Variants in SLC39A11 observed in about 807,000 individuals in gnomAD.
SLC39A11 encodes the protein solute carrier family 39 member 11.
SLC39A11 carries 33 observed loss-of-function variants against 36.1 expected under a neutral mutation model. The ratio of observed to expected loss-of-function variants is 0.91; its 90% CI spans 0.69 to 1.22. The LOEUF (loss-of-function observed/expected upper bound fraction) is 1.22, where lower values mean the gene tolerates loss of function less well. Ranked by LOEUF, SLC39A11 falls within the 50% of genes most tolerant of loss-of-function variation. The pLI is 0.00. For missense variants in SLC39A11, 432 were observed against 430.3 expected (o/e 1.00, Z -0.03); for synonymous variants, 166 against 170.3 (o/e 0.97, Z 0.20).
At chr17:72,971,244 G>A (rs577215275) in intron 4 of SLC39A11, among the ~76,000 whole-genome samples, 16 of 151,986 alleles carry the variant, frequency 1.1e-4, no homozygotes, top group East Asian at 3.9e-4. Context: ...TCTGGTAGCC[G>A]GTTACCTCTA....
intron 7 of SLC39A11, among the ~76,000 whole-genome samples, chr17:72,674,453 G>T (rs1300719513): frequency 2.0e-5 from 3 of 152,138 alleles, no homozygotes; most frequent in African/African-American, 2.4e-5. Context: ...CCACATATGG[G>T]CATTTAGGTT....
rs143676322 is a variant in SLC39A11 at position 72,694,644 on chromosome 17, C to T, written c.671+42006G>A. Among the ~76,000 whole-genome samples, 430 of 152,302 alleles carry T rather than the reference C, an allele frequency of 2.8e-3. 5 individuals are homozygous for T. Among genetic ancestry groups the T allele is most frequent in the African/African-American group, 9.8e-3 (406 of 41,568 alleles). On this transcript the variant is annotated intron_variant, in intron 7 of 9. Transcript: ENST00000255559. ...CTAAGGAATGGTGGCCAGAAGATGA[C>T]GGACAAAACTTGAATACGAAGGTGG...
intron 5 of SLC39A11, among the ~76,000 whole-genome samples, chr17:72,894,593 A>G (rs183315386): frequency 6.6e-4 from 99 of 149,982 alleles, no homozygotes; most frequent in Middle Eastern, 3.4e-3. Flanking sequence ...TCAATTGAAC[A>G]CAAGAGGTAG....
At chr17:73,063,782 T>C (rs1379420180) in intron 3 of SLC39A11, among the ~76,000 whole-genome samples, 3 of 152,224 alleles carry the variant, frequency 2.0e-5, no homozygotes, top group Admixed American at 1.3e-4. Flanking sequence ...AAGTGTTCGC[T>C]GCCATCAGCC....
chr17:73,022,301 A>T (rs917047809), intron 4 of SLC39A11, among the ~76,000 whole-genome samples: 4 of 152,200 alleles, frequency 2.6e-5, no homozygotes, highest in African/African-American at 9.6e-5. Context: ...CTTCTCTAAG[A>T]ATCAGCCAGC....
intron 6 of SLC39A11, among the ~76,000 whole-genome samples, chr17:72,828,019 T>C (rs1857143825): frequency 6.6e-6 from 1 of 152,256 alleles, no homozygotes; most frequent in South Asian, 2.1e-4. Context: ...ATACATGGAT[T>C]TCTGCTAGCT....
intron 4 of SLC39A11, among the ~76,000 whole-genome samples, chr17:73,005,002 GT>G (rs1204621866): frequency 6.6e-6 from 1 of 152,114 alleles, no homozygotes; most frequent in Non-Finnish European, 1.5e-5. Context: ...TTGTTTGTTT[GT>G]TTGTTTGTTT....
chr17:72,843,491 A>G (rs1475060388), intron 6 of SLC39A11, among the ~76,000 whole-genome samples: 1 of 152,108 alleles, frequency 6.6e-6, no homozygotes, highest in Admixed American at 6.6e-5. Context: ...AGCTCTTATG[A>G]ATGGGATTAA....
intron 6 of SLC39A11, among the ~76,000 whole-genome samples, chr17:72,767,185 TTTA>T (rs2075786917): frequency 3.3e-5 from 5 of 152,256 alleles, no homozygotes; most frequent in Non-Finnish European, 7.3e-5. Flanking sequence ...TTCCTCATTC[TTTA>T]ACTCTTACAA....
At chr17:73,014,576 G>A (rs922984132) in intron 4 of SLC39A11, among the ~76,000 whole-genome samples, 1 of 149,562 alleles carries the variant, frequency 6.7e-6, no homozygotes, top group Non-Finnish European at 1.5e-5. Flanking sequence ...AGGATCGCGT[G>A]AGCCTGGAAG....
chr17:72,880,012 G>A (rs2081113442), intron 5 of SLC39A11, among the ~76,000 whole-genome samples: 1 of 152,168 alleles, frequency 6.6e-6, no homozygotes, highest in Non-Finnish European at 1.5e-5. Flanking sequence ...TCTTGAGGAG[G>A]CTAATTTGAG....
chr17:72,991,449 C>A (rs528005750), intron 4 of SLC39A11, among the ~76,000 whole-genome samples: 1 of 152,154 alleles, frequency 6.6e-6, no homozygotes, highest in East Asian at 1.9e-4. Flanking sequence ...CCTCCACCTC[C>A]CGGGTTGAAG....
At position 73,033,971 on chromosome 17, in the gene SLC39A11, A is replaced by G. The variant is rs535297054; in HGVS notation, c.148-2257T>C. On this transcript the variant is annotated intron_variant, in intron 3 of 9. Coordinates refer to ENST00000255559, the MANE Select transcript of SLC39A11 (RefSeq NM_139177.4). ...ATGGAAACCTGCAAAAGCCTCCAAA[A>G]CTCTAAGAATGAAAATGCCTCTGCT... 4.9e-4 allele frequency among the ~76,000 whole-genome samples: 74 copies of G among 152,140 alleles called. 1 individual carries two copies. In the South Asian group the frequency reaches 5.8e-3, roughly 12 times the overall value.
At chr17:72,801,184 G>T (rs1432820611) in intron 6 of SLC39A11, among the ~76,000 whole-genome samples, 3 of 152,148 alleles carry the variant, frequency 2.0e-5, no homozygotes, top group Non-Finnish European at 4.4e-5. Context: ...CTGGCTAAGG[G>T]GTGCAGGATT....
chr17:72,959,864 G>T (rs1326097088), intron 4 of SLC39A11, among the ~76,000 whole-genome samples: 10 of 152,124 alleles, frequency 6.6e-5, no homozygotes, highest in African/African-American at 2.2e-4. Flanking sequence ...TCTGTACATG[G>T]ACAAAATCTC....
At chr17:72,743,317 A>G (rs1427465424) in intron 6 of SLC39A11, among the ~76,000 whole-genome samples, 7 of 152,124 alleles carry the variant, frequency 4.6e-5, no homozygotes, top group Non-Finnish European at 1.0e-4. Context: ...GGTAGTGAAC[A>G]CTGGCATCTG....
chr17:72,921,433 C>G (rs1462350877), intron 5 of SLC39A11, among the ~76,000 whole-genome samples: 1 of 152,090 alleles, frequency 6.6e-6, no homozygotes, highest in Non-Finnish European at 1.5e-5. Flanking sequence ...CAGCTACAAC[C>G]TAAAGCATGC....
rs114289923 is a variant in SLC39A11 at position 72,694,380 on chromosome 17, G to A, written c.671+42270C>T. Among the ~76,000 whole-genome samples, 1,152 of 152,288 alleles carry A rather than the reference G, an allele frequency of 7.6e-3. 10 individuals carry two copies. Among genetic ancestry groups the A allele is most frequent in the African/African-American group, 0.026 (1,097 of 41,562 alleles). On this transcript the variant is annotated intron_variant, in intron 7 of 9. Coordinates refer to ENST00000255559, the MANE Select transcript of SLC39A11 (RefSeq NM_139177.4). ...AATTGGCTCCTTAGGATACCTCCCCGAGCCCTGGTACCCATCGTGGCTTCC... is the reference window on the plus strand; with the variant it reads ...AATTGGCTCCTTAGGATACCTCCCCAAGCCCTGGTACCCATCGTGGCTTCC...
At chr17:72,761,083 TGTTC>T (rs944419912) in intron 6 of SLC39A11, among the ~76,000 whole-genome samples, 2 of 152,176 alleles carry the variant, frequency 1.3e-5, no homozygotes, top group African/African-American at 4.8e-5. Flanking sequence ...AAATAAAGCA[TGTTC>T]ATCAAATTCC....
Sources: gnomAD v4.1 joint callset for allele counts (sites outside exome capture counted in the v4.1 genomes callset) on GRCh38, gnomAD v4.1.1 for gene constraint, MANE v1.5 for transcripts, NCBI Gene and HGNC (gene_info 2026-07-23, HGNC 2026-07-21) for gene names.